Variants in TPCN1 observed in about 807,000 individuals in gnomAD.
The protein encoded by TPCN1 is two pore segment channel 1.
Under a neutral mutation model 108.8 loss-of-function variants are expected in TPCN1, and 52 were observed. The observed-to-expected ratio is 0.48, with a 90% CI of 0.38 to 0.60. TPCN1 has a LOEUF of 0.60. TPCN1 is among the 20% of genes least tolerant of loss of function. The probability of loss-of-function intolerance (pLI) is 0.00; values close to 1 mark genes in which losing one functional copy is unlikely to be tolerated. For synonymous variants in TPCN1, 446 were observed against 433.7 expected, an observed-to-expected ratio of 1.03 and a Z score of -0.35; for missense variants, 806 against 1,072.8, an observed-to-expected ratio of 0.75 and a Z score of 3.47.
intron 1 of TPCN1, chr12:113,225,362 T>A: frequency 2.7e-6 from 1 of 366,078 alleles, no homozygotes; most frequent in South Asian, 2.0e-5. Flanking sequence ...CCCAGCCTAT[T>A]TTTTTCTTTG....
chr12:113,244,525 T>C, intron 2 of TPCN1: 1 of 985,466 alleles, frequency 1.0e-6, no homozygotes, highest in Non-Finnish European at 1.2e-6. Context: ...CATCTCATGC[T>C]AGATTTTTAT....
chr12:113,260,083 G>T (rs897403964), intron 2 of TPCN1, among the ~76,000 whole-genome samples: 2 of 152,126 alleles, frequency 1.3e-5, no homozygotes, highest in Non-Finnish European at 2.9e-5. Flanking sequence ...AAGATAAGTC[G>T]ATGTATTTAT....
chr12:113,230,562 C>T lies in TPCN1; in HGVS notation c.112+3598C>T, dbSNP rs1484524764. 1.5e-4 allele frequency among the ~76,000 whole-genome samples: 23 copies of T among 152,248 alleles called. No individual in the cohort carries two copies. The East Asian group carries it at 3.3e-3, about 22-fold the overall frequency. On this transcript the variant is annotated intron_variant, in intron 2 of 27. Transcript: ENST00000335509. The stretch of plus-strand genomic sequence containing the variant: ...GTCTGTCCTCTTCTGATAAAGACAC[C>T]AGTCCTATTGGATTAGAGCTCATCC...
intron 2 of TPCN1, among the ~76,000 whole-genome samples, chr12:113,235,824 G>A (rs1953870756): frequency 1.3e-5 from 2 of 152,180 alleles, no homozygotes; most frequent in Non-Finnish European, 2.9e-5. Flanking sequence ...TTGGTGAGGG[G>A]TTGGGGTAGC....
intron 2 of TPCN1, among the ~76,000 whole-genome samples, chr12:113,227,545 A>T (rs1482059722): frequency 1.3e-5 from 2 of 152,094 alleles, no homozygotes; most frequent in Admixed American, 1.3e-4. Flanking sequence ...AGGAGCTTTA[A>T]ATTTTTTAAA....
At chr12:113,244,689 G>A (rs764190652) in intron 2 of TPCN1, 69 of 985,300 alleles carry the variant, frequency 7.0e-5, no homozygotes, top group Admixed American at 1.8e-4. Context: ...GCGGCGGGGC[G>A]GTTGCTCGTT....
rs1411159890 is a variant in TPCN1, at chr12:113,278,783, CAG to C, written c.1250_1251del (p.Glu417AlafsTer4). 3 of 1,614,028 alleles carry C rather than the reference CAG, an allele frequency of 1.9e-6. No homozygotes were observed. Among genetic ancestry groups the C allele is most frequent in the Non-Finnish European group, 2.5e-6 (3 of 1,179,928 alleles). ...CTGTTGTCTACCAGGCCAAGAAAAA[CAG>C]AGAGCACTGGTTTGATGAGCTTCCC... ...AALKWKAKKN[R>X]EHWFDELPRT... is the part of the protein sequence containing the mutation. On this transcript the variant is annotated frameshift_variant, in exon 14 of 28. Transcript: ENST00000335509. LOFTEE classifies it high-confidence loss of function.
intron 27 of TPCN1, among the ~76,000 whole-genome samples, chr12:113,294,433 C>T (rs1956364343): frequency 6.6e-6 from 1 of 152,012 alleles, no homozygotes; most frequent in South Asian, 2.1e-4. Context: ...TCGAGACCAG[C>T]CTGGCCAACA....
In TPCN1 at chr12:113,226,251, A is replaced by G. The variant is rs118182266; in HGVS notation, c.-125-477A>G. On this transcript the variant is annotated intron_variant, in intron 1 of 27. Transcript: ENST00000335509. ...TTTAAAAATTGAGTTTTAATTTACC[A>G]TTTTATTATTTTTTAAATTAAGATA... 3.1e-3 allele frequency among the ~76,000 whole-genome samples: 475 copies of G among 151,786 alleles called. 4 individuals are homozygous for G. The highest frequency in any genetic ancestry group is 0.019 in the East Asian group (100 of 5,164).
chr12:113,244,243 C>G, intron 2 of TPCN1: 1 of 924,716 alleles, frequency 1.1e-6, no homozygotes, highest in South Asian at 5.0e-5. Flanking sequence ...GGTACTGCCC[C>G]GTTGAGCCTT....
Position 113,288,931 on chromosome 12 carries a change from C to G in TPCN1, c.1796+84C>G, listed in dbSNP as rs1956180538. 14 of 1,388,332 alleles carry G rather than the reference C, an allele frequency of 1.0e-5. No individual in the cohort carries two copies. The highest frequency in any genetic ancestry group is 1.4e-5 in the Non-Finnish European group (14 of 982,240). The allele number at this position is 1,388,332 out of a possible 1,614,324, so 86.0% of individuals were successfully genotyped here. A position where few individuals can be genotyped will look rare whatever the true frequency, so the allele number is the denominator to read the frequency against. ...GGGCCAGGATTGGTGTCCTTGTGGC[C>G]TTGGGGTCCTCGGGGATGTTCCTGT... On this transcript the variant is annotated intron_variant, in intron 21 of 27. Transcript: ENST00000335509. The surrounding 1 kb of genome is among the most constrained non-coding windows in gnomAD (Gnocchi z 4.8).
rs183196621 is a variant in TPCN1, at chr12:113,284,408, C to T, written c.1343-173C>T. On this transcript the variant is annotated intron_variant, in intron 15 of 27. Coordinates refer to ENST00000335509, the MANE Select transcript of TPCN1 (RefSeq NM_017901.6). This position sits in a 1 kb window ranked among gnomAD's most constrained non-coding sequence, Gnocchi z 4.1. ...TGAAAACACTGGTTGATTTAGCTCC[C>T]TTGGTAAGAGCACTGAGCAGAAAGA... is the stretch of plus-strand genomic sequence containing the variant. 6.6e-6 allele frequency among the ~76,000 whole-genome samples: 1 copy of T among 152,278 alleles called. No homozygotes were observed. Among genetic ancestry groups the T allele is most frequent in the Non-Finnish European group, 1.5e-5 (1 of 68,014 alleles).
chr12:113,278,236 A>G lies in TPCN1; in HGVS notation c.1232A>G (p.Lys411Arg). The change falls in exon 13 of 28, where the codon AAG (lysine) becomes AGG (arginine). Residue 411 changes from lysine to arginine, a missense_variant and splice_region_variant. Lys to Arg is a conservative substitution (Grantham distance 26, BLOSUM62 2). Transcript: ENST00000335509. ...DIYEVAALKW[K>R]AKKNREHWFD... ...TACGAAGTTGCTGCTTTGAAGTGGA[A>G]GGTGAGTTCTTCTCTGAGACCATAG... The G allele has an allele frequency of 6.2e-7, 1 of 1,613,792 alleles. No individual in the cohort carries two copies. Among genetic ancestry groups the G allele is most frequent in the South Asian group, 1.1e-5 (1 of 91,068 alleles).
chr12:113,254,733 G>A (rs1954771196), intron 2 of TPCN1, among the ~76,000 whole-genome samples: 1 of 152,132 alleles, frequency 6.6e-6, no homozygotes, highest in South Asian at 2.1e-4. Context: ...TGTCATGTTG[G>A]TGCTCAAAAA....
At chr12:113,229,283 C>G (rs1438519114) in intron 2 of TPCN1, among the ~76,000 whole-genome samples, 2 of 152,240 alleles carry the variant, frequency 1.3e-5, no homozygotes, top group African/African-American at 2.4e-5. Context: ...CAGCTTCTTA[C>G]TGGGTCATTT....
chr12:113,241,353 T>TGCAGCA (rs76191848), intron 2 of TPCN1, among the ~76,000 whole-genome samples: 1 of 152,008 alleles, frequency 6.6e-6, no homozygotes, highest in South Asian at 2.1e-4. Context: ...CAAAGCCACC[T>TGCAGCA]GCAGCAGCAG....
intron 2 of TPCN1, among the ~76,000 whole-genome samples, chr12:113,230,822 C>T: frequency 6.6e-6 from 1 of 152,154 alleles, no homozygotes; most frequent in East Asian, 1.9e-4. Flanking sequence ...AAATAGTGGT[C>T]AGAATCAACG....
intron 1 of TPCN1, among the ~76,000 whole-genome samples, chr12:113,223,435 C>CTTGTTTTTTTTT (rs1953340148): frequency 8.3e-6 from 1 of 120,294 alleles, no homozygotes; most frequent in Non-Finnish European, 1.7e-5. Flanking sequence ...TCTGCTGAGT[C>CTTGTTTTTTTTT]TTTTTTTTTT....
At chr12:113,277,170 G>A (rs1299102159) in intron 11 of TPCN1, 70 bp from the exon 12 acceptor site, 1 of 1,608,432 alleles carries the variant, frequency 6.2e-7, no homozygotes, top group Non-Finnish European at 8.5e-7. Flanking sequence ...GAGCTGGAGT[G>A]GATCTGGAGT....
Sources: allele counts gnomAD v4.1 joint callset (sites outside exome capture counted in the v4.1 genomes callset), GRCh38; gene constraint gnomAD v4.1.1; non-coding constraint Gnocchi (gnomAD v3.1); transcripts MANE v1.5; gene names NCBI Gene and HGNC (gene_info 2026-07-23, HGNC 2026-07-21).